Variants in GKAP1 observed in about 807,000 individuals in gnomAD.
The protein encoded by GKAP1 is G kinase-anchoring protein 1.
GKAP1 carries 31 observed loss-of-function variants against 56.7 expected under a neutral mutation model. The ratio of observed to expected loss-of-function variants is 0.55; its 90% confidence interval spans 0.41 to 0.74. The LOEUF is 0.74. GKAP1 is among the 30% of genes least tolerant of loss of function. The probability of loss-of-function intolerance (pLI) is 0.00; values close to 1 mark genes in which losing one functional copy is unlikely to be tolerated. For synonymous variants in GKAP1, 151 were observed against 138.6 expected (o/e 1.09, Z -0.63); for missense variants, 364 against 402.3 (o/e 0.90, Z 0.82).
At chr9:83,775,874 C>CAAAAAAAA (rs55669011) in intron 7 of GKAP1, among the ~76,000 whole-genome samples, 3 of 43,708 alleles carry the variant, frequency 6.9e-5, no homozygotes, top group Admixed American at 3.0e-4. Flanking sequence ...GACTCTGTCT[C>CAAAAAAAA]AAAAAAAAAA....
At chr9:83,782,033 T>G (rs1255048704) in intron 6 of GKAP1, among the ~76,000 whole-genome samples, 6 of 151,800 alleles carry the variant, frequency 4.0e-5, no homozygotes, top group Non-Finnish European at 8.8e-5. Context: ...TTAGTAAAGA[T>G]CGGTTTCACT....
At chr9:83,757,371 C>T (rs778201370) in intron 8 of GKAP1, among the ~76,000 whole-genome samples, 2 of 152,098 alleles carry the variant, frequency 1.3e-5, no homozygotes, top group East Asian at 1.9e-4. Flanking sequence ...TTGACAGTGA[C>T]GTATGATAGG....
chr9:83,788,711 G>A (rs1312545186), intron 4 of GKAP1, 33 bp from the exon 5 acceptor site: 8 of 1,341,912 alleles, frequency 6.0e-6, no homozygotes, highest in East Asian at 2.3e-5. Flanking sequence ...TAAACAGACA[G>A]TATCATTACA....
At chr9:83,774,702 CTTTT>C (rs1168792305) in intron 7 of GKAP1, among the ~76,000 whole-genome samples, 8 of 104,902 alleles carry the variant, frequency 7.6e-5, no homozygotes, top group African/African-American at 1.8e-4. Context: ...CAGAAACCCC[CTTTT>C]TTTTTTTTTT....
intron 8 of GKAP1, among the ~76,000 whole-genome samples, chr9:83,764,817 G>A (rs1055579538): frequency 1.3e-5 from 2 of 152,296 alleles, no homozygotes; most frequent in African/African-American, 2.4e-5. Context: ...TCAGAGAGGT[G>A]ACTTAGCGTA....
intron 3 of GKAP1, among the ~76,000 whole-genome samples, chr9:83,804,620 G>A (rs1944402629): frequency 7.1e-6 from 1 of 140,574 alleles, no homozygotes; most frequent in Admixed American, 6.8e-5. Flanking sequence ...CAGGAGGGAG[G>A]TGGGGGGGGT....
At chr9:83,771,713 T>A (rs1003511821) in intron 7 of GKAP1, among the ~76,000 whole-genome samples, 3 of 152,228 alleles carry the variant, frequency 2.0e-5, no homozygotes, top group African/African-American at 7.2e-5. Context: ...AACTCTAAAA[T>A]TACTGCTTCA....
At chr9:83,757,401 C>A (rs971201673) in intron 8 of GKAP1, among the ~76,000 whole-genome samples, 1 of 152,162 alleles carries the variant, frequency 6.6e-6, no homozygotes, top group African/African-American at 2.4e-5. Context: ...AACACATGCA[C>A]ACATAGAAAC....
At chr9:83,801,645 A>G (rs1020655717) in intron 3 of GKAP1, among the ~76,000 whole-genome samples, 1 of 152,198 alleles carries the variant, frequency 6.6e-6, no homozygotes, top group Non-Finnish European at 1.5e-5. Flanking sequence ...TGCTTTACAG[A>G]AAGTAAAGGC....
intron 7 of GKAP1, among the ~76,000 whole-genome samples, chr9:83,777,844 T>C (rs1943889090): frequency 6.6e-6 from 1 of 152,204 alleles, no homozygotes; most frequent in Admixed American, 6.6e-5. Context: ...AAATTGGAAT[T>C]TTCTTTAGGC....
chr9:83,759,950 A>G (rs1943541203), intron 8 of GKAP1, among the ~76,000 whole-genome samples: 1 of 152,210 alleles, frequency 6.6e-6, no homozygotes, highest in Admixed American at 6.5e-5. Context: ...TTCCAACTTA[A>G]CTTTTCAAAT....
intron 5 of GKAP1, among the ~76,000 whole-genome samples, chr9:83,787,517 T>G (rs956574808): frequency 6.6e-6 from 1 of 152,206 alleles, no homozygotes; most frequent in Non-Finnish European, 1.5e-5. Flanking sequence ...CTGTGAATTT[T>G]AATTATTCAC....
At chr9:83,812,182 A>AAT (rs770891529) in intron 2 of GKAP1, among the ~76,000 whole-genome samples, 36 of 149,300 alleles carry the variant, frequency 2.4e-4, no homozygotes, top group South Asian at 2.1e-4. Flanking sequence ...TGACTATATA[A>AAT]ATATATATAT....
chr9:83,797,280 T>C (rs1944263765), intron 4 of GKAP1, among the ~76,000 whole-genome samples: 1 of 152,212 alleles, frequency 6.6e-6, no homozygotes, highest in Non-Finnish European at 1.5e-5. Flanking sequence ...CATGTCCAGC[T>C]TTCTGTCTGG....
Position 83,817,729 on chromosome 9 carries a change from T to A in GKAP1, c.-388A>T, listed in dbSNP as rs969462180. ...GGGGCGCCGGGGCGGACCGCGGAGGTGAGCGCGGCTGCAGGCTGCGGTGAG... is the reference window on the plus strand; with the variant it reads ...GGGGCGCCGGGGCGGACCGCGGAGGAGAGCGCGGCTGCAGGCTGCGGTGAG... On this transcript the variant is annotated 5_prime_UTR_variant, in exon 1 of 13. Coordinates refer to ENST00000376371, the MANE Select transcript of GKAP1 (RefSeq NM_025211.4). 1.3e-4 allele frequency: 20 copies of A among 148,846 alleles called. No homozygotes were observed. Among genetic ancestry groups the A allele is most frequent in the African/African-American group, 4.8e-4 (19 of 39,844 alleles). The allele number at this position is 148,846 out of a possible 1,614,324, so 9.2% of individuals were successfully genotyped here.
Position 83,742,142 on chromosome 9 carries a change from G to A in GKAP1, c.976-113C>T, listed in dbSNP as rs1246956042. ...GACAGCTAAATGGATGAGTAACAGA[G>A]AAGCTCCCCCCATAATTTCCATTTG... On this transcript the variant is annotated intron_variant, in intron 11 of 12. Transcript: ENST00000376371. 5 of 683,814 alleles carry A rather than the reference G, an allele frequency of 7.3e-6. No homozygotes were observed. In the Admixed American group the frequency reaches 8.7e-5, roughly 12 times the overall value. 42.4% of individuals were successfully genotyped at this position (683,814 alleles called of 1,614,324 possible).
chr9:83,762,268 T>C (rs1587701869), intron 8 of GKAP1, among the ~76,000 whole-genome samples: 1 of 151,206 alleles, frequency 6.6e-6, no homozygotes, highest in East Asian at 1.9e-4. Flanking sequence ...GAGAACAACC[T>C]GAAAAAAAAA....
chr9:83,792,423 C>A (rs1944175721), intron 4 of GKAP1, among the ~76,000 whole-genome samples: 1 of 152,026 alleles, frequency 6.6e-6, no homozygotes, highest in African/African-American at 2.4e-5. Context: ...AGAATGAGAA[C>A]CTAGAATCAA....
chr9:83,759,942 C>T (rs990181128), intron 8 of GKAP1, among the ~76,000 whole-genome samples: 9 of 152,178 alleles, frequency 5.9e-5, no homozygotes, highest in Non-Finnish European at 7.3e-5. Flanking sequence ...ACAGTCTTTT[C>T]CAACTTAACT....
Sources: gnomAD v4.1 joint callset for allele counts (sites outside exome capture counted in the v4.1 genomes callset) on GRCh38, gnomAD v4.1.1 for gene constraint, MANE v1.5 for transcripts, NCBI Gene and HGNC (gene_info 2026-07-23, HGNC 2026-07-21) for gene names.